PCDHGA9: variants seen among roughly 807,000 people sequenced by gnomAD.
PCDHGA9 encodes the protein protocadherin gamma-A9.
In PCDHGA9, 37 loss-of-function variants were observed where a neutral mutation model predicts 62.5. The observed-to-expected ratio is 0.59, with a 90% CI of 0.46 to 0.78. PCDHGA9 has a LOEUF of 0.78. Ranked by LOEUF, PCDHGA9 falls within the 30% of genes least tolerant of loss-of-function variation. PCDHGA9 has a pLI of 0.00. For synonymous variants in PCDHGA9, 459 were observed against 484.6 expected (o/e 0.95, Z 0.69); for missense variants, 1,138 against 1,166.2 (o/e 0.98, Z 0.35).
intron 1 of PCDHGA9, chr5:141,421,492 G>C: frequency 1.7e-5 from 28 of 1,614,106 alleles, no homozygotes; most frequent in Non-Finnish European, 2.3e-5. Flanking sequence ...GATCACGGCA[G>C]GCAGGATAGA....
rs750036800 is a variant in PCDHGA9, at chr5:141,419,495, G to A, written c.2424+14119G>A. On this transcript the variant is annotated intron_variant, in intron 1 of 3. Coordinates refer to ENST00000573521, the MANE Select transcript of PCDHGA9 (RefSeq NM_018921.3). ...GGGCTCGCCCGCGCTCAGCGCCAAT[G>A]TGAGCCTGCGCGTGTTGGTGGGCGA... The A allele has an allele frequency of 5.0e-6, 8 of 1,612,432 alleles. No individual in the cohort carries two copies. The Admixed American group carries it at 1.3e-4, about 27-fold the overall frequency.
rs758066525 is a variant in PCDHGA9, at chr5:141,477,331, T to C, written c.2425-17476T>C. The C allele has an allele frequency of 7.4e-6, 12 of 1,614,024 alleles. No individual in the cohort carries two copies. In the East Asian group the frequency reaches 1.1e-4, roughly 15 times the overall value. Reference sequence around the variant, plus strand: ...TCAGCCTTACTTCTTCCCTCAAGAATTACTTCACTTTGAAAACCAGTGCAG... The same window carrying C: ...TCAGCCTTACTTCTTCCCTCAAGAACTACTTCACTTTGAAAACCAGTGCAG... On this transcript the variant is annotated intron_variant, in intron 1 of 3. Coordinates refer to ENST00000573521, the MANE Select transcript of PCDHGA9 (RefSeq NM_018921.3). This position sits in a 1 kb window ranked among gnomAD's most constrained non-coding sequence, Gnocchi z 4.9.
rs773899530 is a variant in PCDHGA9 at position 141,494,864 on chromosome 5, G to C, written c.2482G>C (p.Gly828Arg). ...FSQAQRPGTS[G>R]SQNGDDTGTW... ...TCAGGCCCAGAGACCCGGCACCAGCGGGTAGGTGACTGATTCTCCAGCCCA... is the reference window on the plus strand; with the variant it reads ...TCAGGCCCAGAGACCCGGCACCAGCCGGTAGGTGACTGATTCTCCAGCCCA... The change falls in exon 2 of 4, where the codon GGC becomes CGC. Residue 828 changes from glycine (G) to arginine (R), a missense_variant and splice_region_variant. Transcript: ENST00000573521. The C allele has an allele frequency of 1.2e-6, 2 of 1,614,068 alleles. No individual in the cohort carries two copies. Among genetic ancestry groups the C allele is most frequent in the Middle Eastern group, 1.6e-4 (1 of 6,062 alleles).
intron 1 of PCDHGA9, among the ~76,000 whole-genome samples, chr5:141,465,140 G>A (rs1019369475): frequency 5.3e-5 from 8 of 151,554 alleles, no homozygotes; most frequent in Non-Finnish European, 7.4e-5. Context: ...AAGTTTAGGG[G>A]ATATATGAAG....
intron 1 of PCDHGA9, chr5:141,423,869 T>A (rs1239422805): frequency 5.4e-6 from 7 of 1,285,484 alleles, no homozygotes; most frequent in Non-Finnish European, 6.9e-6. Flanking sequence ...TGAAAGTCAT[T>A]TTTCAATCTT....
intron 1 of PCDHGA9, chr5:141,433,097 G>C: frequency 6.2e-7 from 1 of 1,614,162 alleles, no homozygotes; most frequent in Non-Finnish European, 8.5e-7. Context: ...AGACATGCTC[G>C]TCAGCCAGGA....
chr5:141,438,700 AC>A (rs2098052453), intron 1 of PCDHGA9, among the ~76,000 whole-genome samples: 1 of 144,406 alleles, frequency 6.9e-6, no homozygotes, highest in Non-Finnish European at 1.5e-5. Context: ...TTGCTCTGTC[AC>A]CCAGGCTGGA....
intron 1 of PCDHGA9, among the ~76,000 whole-genome samples, chr5:141,455,243 A>G (rs945218710): frequency 1.3e-5 from 2 of 152,146 alleles, no homozygotes; most frequent in Non-Finnish European, 2.9e-5. Flanking sequence ...GTTAAAGGTC[A>G]TAGTACAATC....
intron 1 of PCDHGA9, among the ~76,000 whole-genome samples, chr5:141,492,670 C>T (rs567661944): frequency 6.6e-6 from 1 of 152,344 alleles, no homozygotes; most frequent in South Asian, 2.1e-4. Context: ...CCCGGGACTC[C>T]GTCTCAAGGG....
Position 141,489,087 on chromosome 5 carries a change from TGA to T in PCDHGA9, c.2425-5719_2425-5718del. The T allele has an allele frequency of 4.6e-6, 1 of 216,098 alleles. No individual in the cohort carries two copies. 13.4% of individuals were successfully genotyped at this position (216,098 alleles called of 1,614,324 possible). ...CCCCCTGCCCACCCCCGCCACTCGGTGACTAAGAACTGCTGCAAGCAGGCAAA... is the reference window on the plus strand; with the variant it reads ...CCCCCTGCCCACCCCCGCCACTCGGTCTAAGAACTGCTGCAAGCAGGCAAA... On this transcript the variant is annotated intron_variant, in intron 1 of 3. Transcript: ENST00000573521. The surrounding 1 kb of genome is among the most constrained non-coding windows in gnomAD (Gnocchi z 4.5).
chr5:141,499,565 C>CTTATCTTGT (rs2099792732), intron 2 of PCDHGA9, among the ~76,000 whole-genome samples: 2 of 152,168 alleles, frequency 1.3e-5, no homozygotes, highest in Non-Finnish European at 2.9e-5. Flanking sequence ...CACTATCCAG[C>CTTATCTTGT]TTCAACTAAT....
At chr5:141,454,483 C>T (rs1434684795) in intron 1 of PCDHGA9, among the ~76,000 whole-genome samples, 9 of 151,684 alleles carry the variant, frequency 5.9e-5, no homozygotes, top group African/African-American at 9.7e-5. Flanking sequence ...CTCAGCTCAC[C>T]GCAACCTCCA....
At position 141,486,092 on chromosome 5, in the gene PCDHGA9, C is replaced by T. The variant is rs2099624294; in HGVS notation, c.2425-8715C>T. The T allele has an allele frequency of 3.7e-6, 6 of 1,614,148 alleles. No homozygotes were observed. In the East Asian group the frequency reaches 1.3e-4, roughly 36 times the overall value. On this transcript the variant is annotated intron_variant, in intron 1 of 3. Coordinates refer to ENST00000573521, the MANE Select transcript of PCDHGA9 (RefSeq NM_018921.3). This position sits in a 1 kb window ranked among gnomAD's most constrained non-coding sequence, Gnocchi z 5.0. Reference sequence around the variant, plus strand: ...TACTGGAAAGCTTACTCTTTTGGGGCCCCTAGACTTTGAGAGTGAGAATTA... The same window carrying T: ...TACTGGAAAGCTTACTCTTTTGGGGTCCCTAGACTTTGAGAGTGAGAATTA...
intron 1 of PCDHGA9, among the ~76,000 whole-genome samples, chr5:141,445,447 A>C (rs974383838): frequency 6.6e-6 from 1 of 152,222 alleles, no homozygotes; most frequent in Non-Finnish European, 1.5e-5. Flanking sequence ...TGGACTAAGG[A>C]TGCAGCAATG....
chr5:141,473,254 T>C (rs1203765731), intron 1 of PCDHGA9, among the ~76,000 whole-genome samples: 5 of 152,152 alleles, frequency 3.3e-5, no homozygotes, highest in African/African-American at 4.8e-5. Context: ...ACATATATAG[T>C]CCTTAGTGTA....
chr5:141,496,876 A>G (rs964149656), intron 2 of PCDHGA9, among the ~76,000 whole-genome samples: 1 of 149,154 alleles, frequency 6.7e-6, no homozygotes, highest in African/African-American at 2.5e-5. Flanking sequence ...AAAATTTGCA[A>G]CAAGTAACAC....
intron 1 of PCDHGA9, among the ~76,000 whole-genome samples, chr5:141,453,393 A>G (rs2098764590): frequency 6.6e-6 from 1 of 152,018 alleles, no homozygotes; most frequent in Non-Finnish European, 1.5e-5. Flanking sequence ...CTTAGCCTCC[A>G]AGTGCTGGTA....
At chr5:141,416,200 T>G (rs1318033556) in intron 1 of PCDHGA9, 2 of 152,444 alleles carry the variant, frequency 1.3e-5, no homozygotes, top group African/African-American at 4.8e-5. Context: ...ATTAACAATT[T>G]ATTTATAACA....
At chr5:141,423,508 A>G (rs962526072) in intron 1 of PCDHGA9, 2 of 1,613,860 alleles carry the variant, frequency 1.2e-6, no homozygotes, top group African/African-American at 2.7e-5. Context: ...GGTCTCTCTC[A>G]TTGCGGACTC....
Sources: allele counts gnomAD v4.1 joint callset (sites outside exome capture counted in the v4.1 genomes callset), GRCh38; gene constraint gnomAD v4.1.1; non-coding constraint Gnocchi (gnomAD v3.1); transcripts MANE v1.5; gene names NCBI Gene and HGNC (gene_info 2026-07-23, HGNC 2026-07-21).